Variants in GSE1 observed in about 807,000 individuals in gnomAD.
The protein encoded by GSE1 is genetic suppressor element 1.
GSE1 carries 32 observed loss-of-function variants against 112.6 expected under a neutral mutation model. The observed-to-expected ratio is 0.28, with a 90% CI of 0.21 to 0.38. GSE1 has a LOEUF of 0.38. Ranked by LOEUF, GSE1 falls within the 10% of genes least tolerant of loss-of-function variation. The probability of loss-of-function intolerance (pLI) is 1.00; values close to 1 mark genes in which losing one functional copy is unlikely to be tolerated. For synonymous variants in GSE1, 1,115 were observed against 735.6 expected (o/e 1.52, Z -8.35); for missense variants, 2,348 against 1,699.2 (o/e 1.38, Z -6.71).
intron 2 of GSE1, among the ~76,000 whole-genome samples, chr16:85,520,522 A>G (rs2052147932): frequency 6.6e-6 from 1 of 151,468 alleles, no homozygotes; most frequent in South Asian, 2.1e-4. Flanking sequence ...CCCGGGCCCA[A>G]GTGATTCTCC....
intron 2 of GSE1, among the ~76,000 whole-genome samples, chr16:85,414,200 G>A (rs1019605416): frequency 6.6e-6 from 1 of 152,212 alleles, no homozygotes; most frequent in African/African-American, 2.4e-5. Context: ...AGTCAAGCTA[G>A]ACACAGAGCA....
rs542262409 is a variant in GSE1, at chr16:85,436,715, T to A, written c.2464+79072T>A. ...ACCCCGAAGGGCCCGTGGGCGCCTGTCTCCTGCCCGAGGGGCGGGCCAGCT... is the reference window on the plus strand; with the variant it reads ...ACCCCGAAGGGCCCGTGGGCGCCTGACTCCTGCCCGAGGGGCGGGCCAGCT... On this transcript the variant is annotated intron_variant, in intron 2 of 2. Coordinates refer to the GSE1 transcript ENST00000637419. Among the ~76,000 whole-genome samples the A allele has an allele frequency of 2.6e-5, 4 of 152,304 alleles. No homozygotes were observed. In the South Asian group the frequency reaches 6.2e-4, roughly 24 times the overall value.
chr16:85,372,049 G>A (rs375973129), intron 2 of GSE1, among the ~76,000 whole-genome samples: 127 of 152,266 alleles, frequency 8.3e-4, no homozygotes, highest in African/African-American at 3.0e-3. Flanking sequence ...CCAAAGCCCT[G>A]GTGCTCCTAG....
chr16:85,247,473 C>T (rs950993781), intron 1 of GSE1, among the ~76,000 whole-genome samples: 1 of 152,164 alleles, frequency 6.6e-6, no homozygotes, highest in African/African-American at 2.4e-5. Flanking sequence ...CGGGCCTGAG[C>T]CAGAGAGGAG....
At chr16:85,396,498 G>A (rs1453452048) in intron 2 of GSE1, among the ~76,000 whole-genome samples, 4 of 152,224 alleles carry the variant, frequency 2.6e-5, no homozygotes, top group Non-Finnish European at 4.4e-5. Flanking sequence ...CCGCTGTCCC[G>A]GATGCTCTCC....
At chr16:85,546,833 C>G (rs1299783419) in intron 2 of GSE1, among the ~76,000 whole-genome samples, 1 of 152,240 alleles carries the variant, frequency 6.6e-6, no homozygotes, top group African/African-American at 2.4e-5. Flanking sequence ...CACCCCTGGC[C>G]CTGTGGGGCC....
chr16:85,478,514 G>A (rs1231686139), intron 2 of GSE1, among the ~76,000 whole-genome samples: 5 of 135,168 alleles, frequency 3.7e-5, no homozygotes, highest in African/African-American at 1.2e-4. Context: ...GTGACAGCAC[G>A]AAACTGTCTC....
At chr16:85,647,958 C>T (rs535312561) in intron 2 of GSE1, among the ~76,000 whole-genome samples, 42 of 152,136 alleles carry the variant, frequency 2.8e-4, no homozygotes, top group South Asian at 8.3e-4. Context: ...TGGGAGCCCC[C>T]GGAGGGGGCG....
At chr16:85,558,937 A>G (rs2045381397) in intron 1 of GSE1, among the ~76,000 whole-genome samples, 1 of 150,858 alleles carries the variant, frequency 6.6e-6, no homozygotes, top group African/African-American at 2.4e-5. Flanking sequence ...GGCTCACTGC[A>G]ACCTCCACCT....
chr16:85,577,018 G>A (rs1031931604), intron 1 of GSE1, among the ~76,000 whole-genome samples: 10 of 152,198 alleles, frequency 6.6e-5, no homozygotes, highest in Admixed American at 2.6e-4. Flanking sequence ...CTGAGGTCCT[G>A]GAGGTGAGCT....
At position 85,227,241 on chromosome 16, in the gene GSE1, G is replaced by T. The variant is rs183108503; in HGVS notation, c.2283+55434G>T. Among the ~76,000 whole-genome samples the T allele has an allele frequency of 2.4e-4, 37 of 152,296 alleles. 1 individual carries two copies. In the East Asian group the frequency reaches 7.1e-3, roughly 29 times the overall value. On this transcript the variant is annotated intron_variant, in intron 1 of 2. Transcript: ENST00000637419. ...CCTGCTATCAGAGAGCTCCAGTCTGGTTGGGAAGGCCTGTTCTTCATGCAT... is the reference window on the plus strand; with the variant it reads ...CCTGCTATCAGAGAGCTCCAGTCTGTTTGGGAAGGCCTGTTCTTCATGCAT...
chr16:85,466,557 C>T (rs896156579), intron 2 of GSE1, among the ~76,000 whole-genome samples: 1 of 152,150 alleles, frequency 6.6e-6, no homozygotes, highest in Non-Finnish European at 1.5e-5. Context: ...ATAGATAGGG[C>T]CAGGTGGCCA....
intron 2 of GSE1, among the ~76,000 whole-genome samples, chr16:85,361,324 C>G (rs2047075427): frequency 9.4e-6 from 1 of 106,372 alleles, no homozygotes; most frequent in Admixed American, 9.2e-5. Context: ...CCCCCCCACA[C>G]ACAAACACAC....
chr16:85,612,650 C>T (rs900169669), upstream of GSE1, among the ~76,000 whole-genome samples: 6 of 143,460 alleles, frequency 4.2e-5, no homozygotes, highest in Admixed American at 4.4e-4. Flanking sequence ...ATTTTGAGGC[C>T]AAGTTCTTAG....
chr16:85,331,707 A>ATTTTTTT (rs566551746), intron 1 of GSE1, among the ~76,000 whole-genome samples: 1 of 51,978 alleles, frequency 1.9e-5, no homozygotes, highest in African/African-American at 6.0e-5. Context: ...ATATATATAT[A>ATTTTTTT]TTTTTTTTTT....
At chr16:85,271,405 G>GAT in intron 1 of GSE1, among the ~76,000 whole-genome samples, 1 of 152,190 alleles carries the variant, frequency 6.6e-6, no homozygotes, top group South Asian at 2.1e-4. Context: ...GTGGGATGCA[G>GAT]ATATATATTC....
At chr16:85,171,101 A>G (rs1177591193) in exon 1 of GSE1, 4 of 985,572 alleles carry the variant, frequency 4.1e-6, no homozygotes, top group Admixed American at 6.1e-5. Context: ...CAGGGCCCCA[A>G]CAAGCGCTGT....
At chr16:85,671,177 T>G (rs932525087) in intron 15 of GSE1, 79 bp downstream of exon 15, 2 of 827,272 alleles carry the variant, frequency 2.4e-6, no homozygotes, top group African/African-American at 3.4e-5. Flanking sequence ...CAGATAAGTT[T>G]CAGAGAGGAA....
At chr16:85,355,471 A>T (rs1351273610) in intron 1 of GSE1, among the ~76,000 whole-genome samples, 2 of 152,012 alleles carry the variant, frequency 1.3e-5, no homozygotes, top group African/African-American at 4.8e-5. Flanking sequence ...GCTCCTACCA[A>T]CTCTTCCTGG....
Sources: allele counts gnomAD v4.1 joint callset (sites outside exome capture counted in the v4.1 genomes callset), GRCh38; gene constraint gnomAD v4.1.1; transcripts MANE v1.5; gene names NCBI Gene and HGNC (gene_info 2026-07-23, HGNC 2026-07-21).